DNM3: variants seen among roughly 807,000 people sequenced by gnomAD.
DNM3 encodes the protein dynamin 3, also known as dynamin-3.
Under a neutral mutation model 101.6 loss-of-function variants are expected in DNM3, and 47 were observed. That is an observed-to-expected ratio of 0.46 (90% CI 0.37 to 0.59). DNM3 has a LOEUF of 0.59. Among genes scored for constraint, DNM3 ranks in the 20% least tolerant of loss-of-function variants. DNM3 has a pLI of 0.00. For missense variants in DNM3, 849 were observed against 1,085.7 expected, an observed-to-expected ratio of 0.78 and a Z score of 3.06; for synonymous variants, 385 against 387.9, an observed-to-expected ratio of 0.99 and a Z score of 0.09.
At chr1:171,963,434 T>G (rs1241597860) in intron 2 of DNM3, among the ~76,000 whole-genome samples, 3 of 152,132 alleles carry the variant, frequency 2.0e-5, no homozygotes, top group African/African-American at 4.8e-5. Context: ...ATACTCTGTA[T>G]GATACTATAT....
intron 4 of DNM3, among the ~76,000 whole-genome samples, chr1:172,020,874 T>A (rs548354535): frequency 6.6e-6 from 1 of 152,332 alleles, no homozygotes; most frequent in African/African-American, 2.4e-5. Context: ...CTCAGGTCCC[T>A]GAAGCTCATC....
intron 15 of DNM3, chr1:172,289,822 A>G: frequency 1.0e-6 from 1 of 984,322 alleles, no homozygotes; most frequent in South Asian, 4.7e-5. Context: ...TGGAGTTTTA[A>G]TTTATCTGAA....
chr1:172,170,432 C>T (rs1185626889), intron 14 of DNM3, among the ~76,000 whole-genome samples: 24 of 151,904 alleles, frequency 1.6e-4, no homozygotes, highest in Non-Finnish European at 1.5e-5. Context: ...TCACCACTTA[C>T]TAGCTGTGAA....
intron 4 of DNM3, among the ~76,000 whole-genome samples, chr1:171,997,080 A>C (rs1337491573): frequency 6.6e-6 from 1 of 152,078 alleles, no homozygotes; most frequent in Non-Finnish European, 1.5e-5. Context: ...AAATGCTAGC[A>C]GTTATTTTCC....
rs557057290 is a variant in DNM3 at position 172,388,708 on chromosome 1, C to A, written c.2421C>A (p.Phe807Leu). 2.2e-5 allele frequency: 35 copies of A among 1,613,818 alleles called. No individual in the cohort carries two copies. The East Asian group carries it at 7.6e-4, about 35-fold the overall frequency. Residue 807 changes from phenylalanine (F) to leucine (L), a missense_variant, in exon 20 of 21, where the codon TTC (phenylalanine) becomes TTA (leucine). Coordinates refer to ENST00000627582, the MANE Select transcript of DNM3 (RefSeq NM_015569.5). ...ACTCTGGGGCTCCTCCAGTCCCATTCCGTCCAGGCCCATTACCTCCTTTCC... is the reference window on the plus strand; with the variant it reads ...ACTCTGGGGCTCCTCCAGTCCCATTACGTCCAGGCCCATTACCTCCTTTCC... ...GPHSGAPPVP[F>L]RPGPLPPFPS...
intron 10 of DNM3, among the ~76,000 whole-genome samples, chr1:172,052,125 A>C (rs1025643232): frequency 8.5e-5 from 13 of 152,146 alleles, no homozygotes; most frequent in Non-Finnish European, 7.3e-5. Flanking sequence ...CTTTCAATGA[A>C]GGTTTCGCAG....
At chr1:171,932,798 C>T (rs528585405) in intron 2 of DNM3, among the ~76,000 whole-genome samples, 27 of 152,280 alleles carry the variant, frequency 1.8e-4, no homozygotes, top group African/African-American at 6.3e-4. Flanking sequence ...AGTAAATACT[C>T]ATCATGCAAA....
At chr1:171,888,471 T>A (rs546848210) in intron 1 of DNM3, among the ~76,000 whole-genome samples, 1 of 152,320 alleles carries the variant, frequency 6.6e-6, no homozygotes, top group East Asian at 1.9e-4. Context: ...AATTCTGCAG[T>A]ATAGAGGAAA....
At chr1:171,972,869 A>AAACAACAAC (rs151021588) in intron 2 of DNM3, among the ~76,000 whole-genome samples, 7 of 151,096 alleles carry the variant, frequency 4.6e-5, no homozygotes, top group Non-Finnish European at 7.4e-5. Flanking sequence ...CAAAAAACAA[A>AAACAACAAC]AACAACAACA....
At chr1:172,236,500 T>G (rs1258660708) in intron 14 of DNM3, among the ~76,000 whole-genome samples, 1 of 152,088 alleles carries the variant, frequency 6.6e-6, no homozygotes, top group African/African-American at 2.4e-5. Flanking sequence ...AATCTGCGAT[T>G]TATCATTGTA....
At chr1:172,161,630 C>G (rs905316241) in intron 14 of DNM3, among the ~76,000 whole-genome samples, 2 of 151,952 alleles carry the variant, frequency 1.3e-5, no homozygotes, top group African/African-American at 2.4e-5. Context: ...GGACTGCAAT[C>G]TGGTAATGTA....
At chr1:172,280,486 A>G (rs1431379855) in intron 15 of DNM3, among the ~76,000 whole-genome samples, 1 of 152,196 alleles carries the variant, frequency 6.6e-6, no homozygotes, top group East Asian at 1.9e-4. Context: ...GAGTGAATAC[A>G]TGTTAGTCTT....
intron 4 of DNM3, among the ~76,000 whole-genome samples, chr1:172,008,710 G>A (rs1281034944): frequency 2.0e-5 from 3 of 147,788 alleles, no homozygotes; most frequent in Admixed American, 6.9e-5. Context: ...AATTACATGG[G>A]CATCTTTTGT....
intron 14 of DNM3, among the ~76,000 whole-genome samples, chr1:172,231,499 C>A (rs1304763127): frequency 6.6e-6 from 1 of 152,130 alleles, no homozygotes; most frequent in Non-Finnish European, 1.5e-5. Context: ...GGGGAAAAAA[C>A]AGAGCAGAAA....
chr1:172,038,169 C>A, intron 6 of DNM3, 150 bp from the exon 7 acceptor site: 3 of 1,008,666 alleles, frequency 3.0e-6, no homozygotes, highest in Non-Finnish European at 2.9e-6. Flanking sequence ...TCCCTATCTA[C>A]ATAATAGTCA....
At chr1:172,373,137 T>C (rs1201484184) in intron 17 of DNM3, among the ~76,000 whole-genome samples, 1 of 152,070 alleles carries the variant, frequency 6.6e-6, no homozygotes, top group Non-Finnish European at 1.5e-5. Flanking sequence ...TCACTAACAA[T>C]AGTATTTGTA....
intron 13 of DNM3, among the ~76,000 whole-genome samples, chr1:172,108,325 C>T (rs923327878): frequency 1.3e-5 from 2 of 151,870 alleles, no homozygotes; most frequent in African/African-American, 2.4e-5. Flanking sequence ...TTTGCAATGA[C>T]CAAGTCTCTT....
At chr1:172,217,709 A>C (rs1163117784) in intron 14 of DNM3, among the ~76,000 whole-genome samples, 1 of 152,126 alleles carries the variant, frequency 6.6e-6, no homozygotes, top group Non-Finnish European at 1.5e-5. Flanking sequence ...TTTTAACTAC[A>C]GCCTATCAAC....
chr1:172,237,733 G>T (rs2061598649), intron 14 of DNM3, among the ~76,000 whole-genome samples: 1 of 151,968 alleles, frequency 6.6e-6, no homozygotes, highest in Non-Finnish European at 1.5e-5. Context: ...TATGCTTATT[G>T]TTCTACATCA....
Sources: gnomAD v4.1 joint callset for allele counts (sites outside exome capture counted in the v4.1 genomes callset) on GRCh38, gnomAD v4.1.1 for gene constraint, MANE v1.5 for transcripts, NCBI Gene and HGNC (gene_info 2026-07-23, HGNC 2026-07-21) for gene names.